The following ZMYM5 variants were observed in gnomAD, a reference collection of about 807,000 sequenced individuals.
ZMYM5 encodes the protein zinc finger MYM-type containing 5.
A neutral mutation model predicts 61.8 loss-of-function variants in ZMYM5; 41 were observed. The ratio of observed to expected loss-of-function variants is 0.66; its 90% CI spans 0.52 to 0.86. The LOEUF is 0.86. Among genes scored for constraint, ZMYM5 ranks in the 40% least tolerant of loss-of-function variants. ZMYM5 has a pLI of 0.00. For missense variants in ZMYM5, 706 were observed against 786.7 expected (o/e 0.90, Z 1.23); for synonymous variants, 257 against 276.4 (o/e 0.93, Z 0.70).
chr13:19,850,518 T>C (rs865937978), intron 4 of ZMYM5, among the ~76,000 whole-genome samples: 16 of 151,934 alleles, frequency 1.1e-4, no homozygotes, highest in African/African-American at 2.9e-4. Context: ...GGAGAATCAG[T>C]TGAACCCGGG....
intron 2 of ZMYM5, among the ~76,000 whole-genome samples, chr13:19,860,809 G>A (rs1953718985): frequency 6.9e-6 from 1 of 144,382 alleles, no homozygotes; most frequent in Non-Finnish European, 1.5e-5. Context: ...TCAGCAATAA[G>A]AATTGAAAGA....
chr13:19,859,465 C>T (rs917847481), intron 2 of ZMYM5, among the ~76,000 whole-genome samples: 11 of 152,000 alleles, frequency 7.2e-5, no homozygotes, highest in African/African-American at 1.7e-4. Flanking sequence ...TGCAGTGGCG[C>T]GATCTTGGCT....
At position 19,849,320 on chromosome 13, in the gene ZMYM5, C is replaced by T. The variant is rs114760579; in HGVS notation, c.586+2035G>A. Among the ~76,000 whole-genome samples the T allele has an allele frequency of 4.5e-3, 687 of 152,112 alleles. 9 individuals carry two copies. The highest frequency in any genetic ancestry group is 0.015 in the African/African-American group (631 of 41,490). On this transcript the variant is annotated intron_variant, in intron 4 of 7. Transcript: ENST00000337963. ...TTACTTTTTATAGAGATGAGGTCTT[C>T]GCTACGTTACTGAGGCTGGGTTCAA...
At chr13:19,859,831 G>T (rs1953662776) in intron 2 of ZMYM5, among the ~76,000 whole-genome samples, 1 of 151,682 alleles carries the variant, frequency 6.6e-6, no homozygotes, top group South Asian at 2.1e-4. Flanking sequence ...CAGGCCGGGT[G>T]TGGTAGTGGG....
chr13:19,856,934 G>A (rs1212914013), intron 2 of ZMYM5, among the ~76,000 whole-genome samples: 1 of 151,906 alleles, frequency 6.6e-6, no homozygotes, highest in South Asian at 2.1e-4. Context: ...GTGAAACCCC[G>A]CCTCTACTAA....
At position 19,845,722 on chromosome 13, in the gene ZMYM5, T is replaced by A. The variant is rs577390644; in HGVS notation, c.586+5633A>T. 4.6e-5 allele frequency among the ~76,000 whole-genome samples: 7 copies of A among 152,312 alleles called. No homozygotes were observed. In the East Asian group the frequency reaches 1.3e-3, roughly 29 times the overall value. ...AGGATACAAATCAGAAACAGCCAAA[T>A]GAAGAAGCTCATAAGGCAAGGTCTG... On this transcript the variant is annotated intron_variant, in intron 4 of 7. Transcript: ENST00000337963.
intron 7 of ZMYM5, among the ~76,000 whole-genome samples, chr13:19,832,136 G>A (rs571811062): frequency 1.3e-5 from 2 of 151,854 alleles, no homozygotes; most frequent in Admixed American, 1.3e-4. Context: ...GGGATTACAG[G>A]CGTGAGGCAC....
intron 7 of ZMYM5, among the ~76,000 whole-genome samples, chr13:19,826,351 C>CA (rs1402988346): frequency 6.6e-6 from 1 of 151,172 alleles, no homozygotes; most frequent in Non-Finnish European, 1.5e-5. Flanking sequence ...GACTCCGTCT[C>CA]AAAAAACAAA....
intron 6 of ZMYM5, among the ~76,000 whole-genome samples, chr13:19,836,754 T>C (rs983044298): frequency 1.3e-5 from 2 of 152,172 alleles, no homozygotes; most frequent in Non-Finnish European, 2.9e-5. Context: ...GTAACTGAGA[T>C]AAAATCATGT....
At chr13:19,859,686 T>C (rs970627391) in intron 2 of ZMYM5, among the ~76,000 whole-genome samples, 8 of 151,870 alleles carry the variant, frequency 5.3e-5, no homozygotes, top group Admixed American at 2.0e-4. Flanking sequence ...GGATTACAGG[T>C]GTGAGCTACT....
chr13:19,827,107 T>C (rs760794679), intron 7 of ZMYM5, among the ~76,000 whole-genome samples: 52 of 152,322 alleles, frequency 3.4e-4, no homozygotes, highest in Non-Finnish European at 5.9e-4. Context: ...AGGGGAACTG[T>C]TAATAAATAG....
At chr13:19,851,211 C>T in intron 4 of ZMYM5, 144 bp downstream of exon 4, 1 of 763,340 alleles carries the variant, frequency 1.3e-6, no homozygotes, top group Non-Finnish European at 2.1e-6. Flanking sequence ...AAGAGCGAAA[C>T]TCGGTCTCCA....
At chr13:19,847,649 T>C (rs1393636688) in intron 4 of ZMYM5, among the ~76,000 whole-genome samples, 2 of 151,480 alleles carry the variant, frequency 1.3e-5, no homozygotes, top group Non-Finnish European at 2.9e-5. Flanking sequence ...TTTCTTTTTT[T>C]TTTTTTTCTG....
At chr13:19,850,426 C>G (rs1953245999) in intron 4 of ZMYM5, among the ~76,000 whole-genome samples, 1 of 152,008 alleles carries the variant, frequency 6.6e-6, no homozygotes, top group Middle Eastern at 3.4e-3. Context: ...ATGGAGAAAC[C>G]CTGTCTCTAC....
chr13:19,855,581 T>G (rs1218744157), intron 2 of ZMYM5, among the ~76,000 whole-genome samples: 2 of 152,060 alleles, frequency 1.3e-5, no homozygotes, highest in Admixed American at 1.3e-4. Flanking sequence ...TTCTTATGTC[T>G]GCTAGGTTCT....
At chr13:19,825,967 A>G (rs941735331) in intron 7 of ZMYM5, among the ~76,000 whole-genome samples, 1 of 151,646 alleles carries the variant, frequency 6.6e-6, no homozygotes, top group Admixed American at 6.6e-5. Context: ...CCTCACTTGA[A>G]CCCTGGAGTC....
chr13:19,851,361 T>C lies in ZMYM5; in HGVS notation c.580A>G (p.Ser194Gly), dbSNP rs1420304933. 2 of 1,613,810 alleles carry C rather than the reference T, an allele frequency of 1.2e-6. No homozygotes were observed. Among genetic ancestry groups the C allele is most frequent in the Non-Finnish European group, 1.7e-6 (2 of 1,179,714 alleles). ...AGTATCACTTACTGCTTACCAGGAC[T>C]ATGATGAGTTGCAAATTCTCCATTC... ...FQNGEFATHH[S>G]PDSWISQSAS... Residue 194 changes from serine (S) to glycine (G), a missense_variant, in exon 4 of 8, where the codon AGT becomes GGT. This residue lies in a region of ZMYM5 where 480 missense variants were observed against 461.7 expected (regional missense o/e 1.04). Transcript: ENST00000337963.
intron 1 of ZMYM5, among the ~76,000 whole-genome samples, chr13:19,862,976 G>C (rs1015354770): frequency 3.3e-5 from 5 of 152,166 alleles, no homozygotes; most frequent in African/African-American, 1.2e-4. Flanking sequence ...CGCAGCGCCT[G>C]GGAAAAGATG....
rs143454777 is a variant in ZMYM5 at position 19,835,290 on chromosome 13, C to T, written c.1251+187G>A. ...AATTACACAAGTGAGTCACTGCACCCAGCCCAAAGAAAATTTTTAAAACAA... is the reference window on the plus strand; with the variant it reads ...AATTACACAAGTGAGTCACTGCACCTAGCCCAAAGAAAATTTTTAAAACAA... On this transcript the variant is annotated intron_variant, in intron 7 of 7. Coordinates refer to ENST00000337963, the MANE Select transcript of ZMYM5 (RefSeq NM_001142684.2). Among the ~76,000 whole-genome samples the T allele has an allele frequency of 2.3e-3, 353 of 152,202 alleles. 3 individuals carry two copies. The highest frequency in any genetic ancestry group is 7.7e-3 in the African/African-American group (320 of 41,530).
Sources: allele counts gnomAD v4.1 joint callset (sites outside exome capture counted in the v4.1 genomes callset), GRCh38; gene constraint gnomAD v4.1.1; regional missense constraint gnomAD v4.1.1; transcripts MANE v1.5; gene names NCBI Gene and HGNC (gene_info 2026-07-23, HGNC 2026-07-21).